CCDC74B: variants seen among roughly 807,000 people sequenced by gnomAD.
CCDC74B encodes the protein coiled-coil domain-containing protein 74B.
Under a neutral mutation model 38.0 loss-of-function variants are expected in CCDC74B, and 34 were observed. That is an observed-to-expected ratio of 0.89 (90% CI 0.68 to 1.19). The LOEUF (loss-of-function observed/expected upper bound fraction) is 1.19, where lower values mean the gene tolerates loss of function less well. Ranked by LOEUF, CCDC74B falls within the 50% of genes most tolerant of loss-of-function variation. CCDC74B has a pLI of 0.00. For missense variants in CCDC74B, 358 were observed against 406.0 expected (o/e 0.88, Z 1.02); for synonymous variants, 132 against 170.4 (o/e 0.77, Z 1.76).
intron 1 of CCDC74B, among the ~76,000 whole-genome samples, chr2:130,143,523 C>G (rs1012855128): frequency 6.6e-6 from 1 of 152,204 alleles, no homozygotes; most frequent in Non-Finnish European, 1.5e-5. Context: ...CTAGGCAGAG[C>G]CCACCTGGCA....
Position 130,145,092 on chromosome 2 carries a change from A to T in CCDC74B, c.-96T>A. On this transcript the variant is annotated 5_prime_UTR_variant, in exon 1 of 8. Transcript: ENST00000409943. ...GCCCCGTCACCATGGAAACCGGGCG[A>T]CGGAGGGCGCCAGGCGTTTGGCGGG... is the stretch of plus-strand genomic sequence containing the variant. 1 of 1,400,672 alleles carries T rather than the reference A, an allele frequency of 7.1e-7. No individual in the cohort carries two copies. Among genetic ancestry groups the T allele is most frequent in the South Asian group, 1.6e-5 (1 of 61,574 alleles). 86.8% of individuals were successfully genotyped at this position (1,400,672 alleles called of 1,614,324 possible). A position where few individuals can be genotyped will look rare whatever the true frequency, so the allele number is the denominator to read the frequency against.
At chr2:130,139,801 G>C in intron 7 of CCDC74B, 90 bp downstream of exon 7, 2 of 1,608,256 alleles carry the variant, frequency 1.2e-6, no homozygotes, top group Non-Finnish European at 1.7e-6. Flanking sequence ...AGCGAGCTCC[G>C]CTTCTGCGCT....
rs777743669 is a variant in CCDC74B, at chr2:130,140,293, C to T, written c.564G>A (p.Ala188=). The T allele has an allele frequency of 6.7e-5, 108 of 1,612,928 alleles. No individual in the cohort carries two copies. The highest frequency in any genetic ancestry group is 8.1e-5 in the Non-Finnish European group (96 of 1,179,550). Residue 188 remains alanine (A), a synonymous_variant, in exon 5 of 8, where the codon GCG becomes GCA. Coordinates refer to ENST00000409943, the MANE Select transcript of CCDC74B (RefSeq NM_001258307.2). ...GCAGGATCATTGGGGGGTGTGCCGCCGCCCCCATCTGCCTGCCCTGGTGCT... is the reference window on the plus strand; with the variant it reads ...GCAGGATCATTGGGGGGTGTGCCGCTGCCCCCATCTGCCTGCCCTGGTGCT... ...NSQHQGRQMG[A]AAHPPMILPL... is the part of the protein sequence containing the mutation.
At chr2:130,142,448 G>A (rs770665457) in intron 2 of CCDC74B, 58 of 1,612,892 alleles carry the variant, frequency 3.6e-5, no homozygotes, top group South Asian at 3.0e-4. Flanking sequence ...GCCTCTTCCC[G>A]TGTCCTGTCA....
chr2:130,142,541 T>C, intron 2 of CCDC74B: 1 of 1,552,138 alleles, frequency 6.4e-7, no homozygotes, highest in Non-Finnish European at 8.7e-7. Context: ...CCACAGCGGC[T>C]AGGGAAGGGC....
intron 3 of CCDC74B, chr2:130,141,596 T>C (rs920339021): frequency 4.0e-5 from 19 of 473,118 alleles, no homozygotes; most frequent in African/African-American, 3.5e-4. Flanking sequence ...CCTGCATGGG[T>C]TTCCTCGGCA....
Position 130,143,068 on chromosome 2 carries a change from A to C in CCDC74B, c.295+201T>G. The C allele has an allele frequency of 2.0e-6, 3 of 1,488,386 alleles. No homozygotes were observed. In the South Asian group the frequency reaches 4.1e-5, roughly 20 times the overall value. The allele number at this position is 1,488,386 out of a possible 1,614,324, so 92.2% of individuals were successfully genotyped here. A position where few individuals can be genotyped will look rare whatever the true frequency, so the allele number is the denominator to read the frequency against. On this transcript the variant is annotated intron_variant, in intron 2 of 7. Coordinates refer to ENST00000409943, the MANE Select transcript of CCDC74B (RefSeq NM_001258307.2). Reference sequence around the variant, plus strand: ...ATGACCTCAGGCCCTGGGCTTCCTGAGAGCAGCACGTGCTGTGCTTGGCTG... The same window carrying C: ...ATGACCTCAGGCCCTGGGCTTCCTGCGAGCAGCACGTGCTGTGCTTGGCTG...
At chr2:130,143,715 G>T (rs79082839) in intron 1 of CCDC74B, among the ~76,000 whole-genome samples, 143,351 of 151,898 alleles carry the variant, frequency 0.94, 67,772 homozygotes, top group East Asian at 1. Context: ...TGAGGCTCAA[G>T]AAGACATGGG....
chr2:130,144,764 A>G lies in CCDC74B; in HGVS notation c.233T>C (p.Leu78Pro), dbSNP rs1362061813. 8.1e-6 allele frequency: 13 copies of G among 1,612,882 alleles called. No homozygotes were observed. Among genetic ancestry groups the G allele is most frequent in the Non-Finnish European group, 1.0e-5 (12 of 1,179,644 alleles). Reference sequence around the variant, plus strand: ...CGGCTCACCCTTGTTTTCCCGCTTCAGATGCTCGATCTCCTCATGGAGCTT... The same window carrying G: ...CGGCTCACCCTTGTTTTCCCGCTTCGGATGCTCGATCTCCTCATGGAGCTT... ...LAKLHEEIEH[L>P]KRENKDLRYK... The change falls in exon 1 of 8, where the codon CTG (leucine) becomes CCG (proline). Residue 78 changes from leucine to proline, a missense_variant. By Grantham distance (98) the Leu-to-Pro change is moderately conservative. Around this residue, in one of 3 missense-constraint regions of CCDC74B, gnomAD observed 128 missense variants for 146.7 expected, o/e 0.87. Transcript: ENST00000409943.
chr2:130,142,780 A>G, intron 2 of CCDC74B: 1 of 1,549,394 alleles, frequency 6.5e-7, no homozygotes, highest in Non-Finnish European at 8.7e-7. Context: ...GCAAGGAAAC[A>G]GGACTCTGCT....
Position 130,143,276 on chromosome 2 carries a change from C to T in CCDC74B, c.288G>A (p.Gln96=), listed in dbSNP as rs776811027. 6.2e-7 allele frequency: 1 copy of T among 1,613,916 alleles called. No homozygotes were observed. Among genetic ancestry groups the T allele is most frequent in the Admixed American group, 1.7e-5 (1 of 60,018 alleles). The change falls in exon 2 of 8, where the codon CAG becomes CAA. Residue 96 remains glutamine, a synonymous_variant. Transcript: ENST00000409943. ...GAAGGGCCCAGTTCTCACCTTTCTT[C>T]TGTGATGTCTGATTCATTATGAGCT... ...RYKLIMNQTS[Q]KKDSLSTSSF...
At chr2:130,142,368 T>G in intron 2 of CCDC74B, 185 bp from the exon 3 acceptor site, 1 of 1,613,400 alleles carries the variant, frequency 6.2e-7, no homozygotes, top group South Asian at 1.1e-5. Flanking sequence ...AAAGGTGGTT[T>G]CCTGAGGGGC....
At chr2:130,141,986 C>T in intron 3 of CCDC74B, 147 bp downstream of exon 3, 1 of 857,960 alleles carries the variant, frequency 1.2e-6, no homozygotes, top group South Asian at 1.7e-5. Flanking sequence ...CTTCAGCTTG[C>T]AGGGCTCTTT....
Position 130,144,835 on chromosome 2 carries a change from C to G in CCDC74B, c.162G>C (p.Glu54Asp), listed in dbSNP as rs1307400255. The G allele has an allele frequency of 1.2e-6, 2 of 1,613,604 alleles. No homozygotes were observed. Among genetic ancestry groups the G allele is most frequent in the South Asian group, 1.1e-5 (1 of 91,078 alleles). The part of the protein sequence containing the change: ...SDPQKRNLDL[E>D]KSLQFLQQQH... Reference sequence around the variant, plus strand: ...GCTGCTGCAGGAACTGTAGGCTCTTCTCCAGGTCCAGGTTCCGTTTCTGCG... The same window carrying G: ...GCTGCTGCAGGAACTGTAGGCTCTTGTCCAGGTCCAGGTTCCGTTTCTGCG... The change falls in exon 1 of 8, where the codon GAG (glutamate) becomes GAC (aspartate). Residue 54 changes from glutamate (E) to aspartate (D), a missense_variant. Transcript: ENST00000409943.
chr2:130,140,274 T>C lies in CCDC74B; in HGVS notation c.583A>G (p.Ile195Val). 6.2e-7 allele frequency: 1 copy of C among 1,613,248 alleles called. No homozygotes were observed. The highest frequency in any genetic ancestry group is 8.5e-7 in the Non-Finnish European group (1 of 1,179,636). Residue 195 changes from isoleucine to valine, a missense_variant, in exon 5 of 8, where the codon ATC (isoleucine) becomes GTC (valine). Around this residue, in one of 3 missense-constraint regions of CCDC74B, gnomAD observed 213 missense variants for 212.3 expected, o/e 1.00. Transcript: ENST00000409943. ...QMGAAAHPPMILPLPLRKPTT... is the reference protein window; with the variant it reads ...QMGAAAHPPMVLPLPLRKPTT... Reference sequence around the variant, plus strand: ...GGCTTTCGCAGGGGAAGGGGCAGGATCATTGGGGGGTGTGCCGCCGCCCCC... The same window carrying C: ...GGCTTTCGCAGGGGAAGGGGCAGGACCATTGGGGGGTGTGCCGCCGCCCCC...
At chr2:130,139,855 G>A (rs767312334) in intron 7 of CCDC74B, 36 bp downstream of exon 7, 5 of 1,609,962 alleles carry the variant, frequency 3.1e-6, no homozygotes, top group Non-Finnish European at 4.2e-6. Context: ...CCAGGCTGCA[G>A]GGCTGCCCCA....
In CCDC74B at chr2:130,139,560, G is replaced by C. The variant is rs1223416120; in HGVS notation, c.940C>G (p.Leu314Val). The change falls in exon 8 of 8, where the codon CTT becomes GTT. Residue 314 changes from leucine to valine, a missense_variant. Physicochemically the swap from Leu to Val is conservative, Grantham distance 32. This residue lies in a region of CCDC74B where 213 missense variants were observed against 212.3 expected (regional missense o/e 1.00). Coordinates refer to ENST00000409943, the MANE Select transcript of CCDC74B (RefSeq NM_001258307.2). ...MQKRRLHRSVL is the reference protein window; with the variant it reads ...MQKRRLHRSVV ...ACTGACCAGATGCGGGTAGCTCAAAGCACCGAGCGATGCAGGCGCCGTTTC... is the reference window on the plus strand; with the variant it reads ...ACTGACCAGATGCGGGTAGCTCAAACCACCGAGCGATGCAGGCGCCGTTTC... 6 of 1,613,442 alleles carry C rather than the reference G, an allele frequency of 3.7e-6. No homozygotes were observed. Among genetic ancestry groups the C allele is most frequent in the Non-Finnish European group, 5.1e-6 (6 of 1,180,020 alleles).
chr2:130,143,577 G>GC lies in CCDC74B; in HGVS notation c.251-265dup, dbSNP rs762146221. On this transcript the variant is annotated intron_variant, in intron 1 of 7. Coordinates refer to ENST00000409943, the MANE Select transcript of CCDC74B (RefSeq NM_001258307.2). Reference sequence around the variant, plus strand: ...GAGATGACTGGAGGGCGTCCACACTGCCAGGCAGAACCTGGGCTTTAGGGG... The same window carrying GC: ...GAGATGACTGGAGGGCGTCCACACTGCCCAGGCAGAACCTGGGCTTTAGGGG... Among the ~76,000 whole-genome samples the GC allele has an allele frequency of 1.6e-4, 24 of 152,324 alleles. 1 individual carries two copies. Among genetic ancestry groups the GC allele is most frequent in the South Asian group, 1.2e-3 (6 of 4,820 alleles).
Position 130,140,035 on chromosome 2 carries a change from G to T in CCDC74B, c.740C>A (p.Ala247Asp). The T allele has an allele frequency of 6.2e-7, 1 of 1,607,118 alleles. No homozygotes were observed. The highest frequency in any genetic ancestry group is 2.2e-5 in the East Asian group (1 of 44,476). ...SQRPQAVPEE[A>D]SFPRDQEATH... is the part of the protein sequence containing the mutation. ...ACCAGGCACTCACCTGGGAAAGCTA[G>T]CTTCCTCCGGGACTGCCTGGGGCCT... Residue 247 changes from alanine to aspartate, a missense_variant, in exon 6 of 8, where the codon GCT (alanine) becomes GAT (aspartate). Ala to Asp is a moderately radical substitution (Grantham distance 126). Coordinates refer to ENST00000409943, the MANE Select transcript of CCDC74B (RefSeq NM_001258307.2).
Sources: allele counts gnomAD v4.1 joint callset (sites outside exome capture counted in the v4.1 genomes callset), GRCh38; gene constraint gnomAD v4.1.1; regional missense constraint gnomAD v4.1.1; transcripts MANE v1.5; gene names NCBI Gene and HGNC (gene_info 2026-07-23, HGNC 2026-07-21).